MORC1: variants seen among roughly 807,000 people sequenced by gnomAD.
MORC1 encodes the protein MORC family CW-type zinc finger protein 1.
Under a neutral mutation model 134.9 loss-of-function variants are expected in MORC1, and 59 were observed. The observed-to-expected ratio is 0.44, with a 90% CI of 0.35 to 0.54. MORC1 has a LOEUF of 0.54. Ranked by LOEUF, MORC1 falls within the 20% of genes least tolerant of loss-of-function variation. The probability of loss-of-function intolerance (pLI) is 0.00; values close to 1 mark genes in which losing one functional copy is unlikely to be tolerated. For missense variants in MORC1, 947 were observed against 1,134.5 expected, an observed-to-expected ratio of 0.83 and a Z score of 2.37; for synonymous variants, 395 against 391.7, an observed-to-expected ratio of 1.01 and a Z score of -0.10.
chr3:108,978,229 T>A (rs921828769), intron 24 of MORC1, among the ~76,000 whole-genome samples: 4 of 152,156 alleles, frequency 2.6e-5, no homozygotes, highest in Admixed American at 2.0e-4. Flanking sequence ...CTGGCCTGCT[T>A]TTGTCCCATT....
At chr3:109,064,840 C>T (rs1180328496) in intron 9 of MORC1, among the ~76,000 whole-genome samples, 3 of 152,066 alleles carry the variant, frequency 2.0e-5, no homozygotes, top group Admixed American at 6.6e-5. Flanking sequence ...GTTGAATAGA[C>T]CTCCCAAATT....
At chr3:109,028,638 C>T (rs183087899) in intron 16 of MORC1, among the ~76,000 whole-genome samples, 27 of 152,226 alleles carry the variant, frequency 1.8e-4, no homozygotes, top group Admixed American at 1.6e-3. Context: ...ACCCTCAAAG[C>T]ATATGGTTTG....
chr3:109,082,824 A>G (rs771398903), intron 8 of MORC1, among the ~76,000 whole-genome samples: 5 of 152,328 alleles, frequency 3.3e-5, no homozygotes, highest in Non-Finnish European at 7.4e-5. Context: ...ACTGGTGTTC[A>G]AGAGGGAATA....
intron 26 of MORC1, among the ~76,000 whole-genome samples, chr3:108,969,455 G>C (rs1402060963): frequency 6.6e-6 from 1 of 152,106 alleles, no homozygotes. Context: ...TACTCCAAGT[G>C]TTTCATAGCT....
chr3:109,077,068 G>C (rs1950437787), intron 8 of MORC1, among the ~76,000 whole-genome samples: 2 of 151,498 alleles, frequency 1.3e-5, no homozygotes, highest in East Asian at 3.9e-4. Context: ...ATTTCTATCA[G>C]ACTTCTGATC....
chr3:109,063,956 G>C lies in MORC1; in HGVS notation c.816-725C>G, dbSNP rs568624183. On this transcript the variant is annotated intron_variant, in intron 9 of 27. Transcript: ENST00000232603. The stretch of plus-strand genomic sequence containing the variant: ...AATCATCATAGAGAGAAAAATTCTA[G>C]AATAATATTTGGTTTGAGAATCCTC... Among the ~76,000 whole-genome samples the C allele has an allele frequency of 3.3e-5, 5 of 152,138 alleles. No individual in the cohort carries two copies. In the South Asian group the frequency reaches 8.3e-4, roughly 25 times the overall value.
intron 17 of MORC1, among the ~76,000 whole-genome samples, chr3:109,018,711 T>C (rs1295976264): frequency 4.6e-5 from 7 of 152,236 alleles, no homozygotes; most frequent in Non-Finnish European, 1.0e-4. Flanking sequence ...CCTTGTGTTA[T>C]ATATAATACT....
chr3:109,040,223 T>C (rs1166312163), intron 14 of MORC1, among the ~76,000 whole-genome samples: 2 of 151,382 alleles, frequency 1.3e-5, no homozygotes, highest in Non-Finnish European at 2.9e-5. Flanking sequence ...AAGTCATACG[T>C]AGAAACAGGA....
rs752877858 is a variant in MORC1 at position 108,963,412 on chromosome 3, A to G, written c.2799+2T>C. The stretch of plus-strand genomic sequence containing the variant: ...CTGCTCAAATACAACTTTTTCACTC[A>G]CCAGTTGGAGTTTCTGCAACAATAG... On this transcript the variant is annotated splice_donor_variant, in intron 27 of 27. Coordinates refer to ENST00000232603, the MANE Select transcript of MORC1 (RefSeq NM_014429.4). LOFTEE classifies it high-confidence loss of function. 1 of 1,607,880 alleles carries G rather than the reference A, an allele frequency of 6.2e-7. No homozygotes were observed. The highest frequency in any genetic ancestry group is 2.2e-5 in the East Asian group (1 of 44,798).
chr3:109,000,220 C>A (rs937338883), intron 21 of MORC1, among the ~76,000 whole-genome samples: 2 of 152,050 alleles, frequency 1.3e-5, no homozygotes, highest in Non-Finnish European at 2.9e-5. Flanking sequence ...TCATATTCTT[C>A]GGATTTGGGA....
chr3:109,085,015 T>G (rs1950589805), intron 8 of MORC1, among the ~76,000 whole-genome samples: 1 of 152,144 alleles, frequency 6.6e-6, no homozygotes, highest in African/African-American at 2.4e-5. Flanking sequence ...ATTAAAGACT[T>G]AAATGTAAGA....
At chr3:109,053,947 T>C (rs781024201) in intron 14 of MORC1, among the ~76,000 whole-genome samples, 2 of 152,192 alleles carry the variant, frequency 1.3e-5, no homozygotes, top group Non-Finnish European at 2.9e-5. Flanking sequence ...GAAATCTTTC[T>C]GGAATTAACA....
At chr3:109,032,858 G>T in intron 15 of MORC1, 33 bp from the exon 16 acceptor site, 1 of 1,316,988 alleles carries the variant, frequency 7.6e-7, no homozygotes, top group Non-Finnish European at 1.1e-6. Flanking sequence ...ACAGAAAAGA[G>T]ATCAGAAATG....
chr3:108,974,064 A>C (rs905703939), intron 24 of MORC1, among the ~76,000 whole-genome samples: 1 of 151,578 alleles, frequency 6.6e-6, no homozygotes, highest in Non-Finnish European at 1.5e-5. Context: ...AGGCCCAAGC[A>C]AGTTCCCTGG....
At chr3:109,100,654 T>G in intron 4 of MORC1, 147 bp from the exon 5 acceptor site, 2 of 647,036 alleles carry the variant, frequency 3.1e-6, no homozygotes, top group Admixed American at 5.2e-5. Context: ...TTCATCAGAA[T>G]CCACAGTCTC....
intron 14 of MORC1, among the ~76,000 whole-genome samples, chr3:109,047,946 C>T (rs1949733251): frequency 6.6e-6 from 1 of 152,166 alleles, no homozygotes; most frequent in African/African-American, 2.4e-5. Flanking sequence ...AAAAGAGAGA[C>T]AATCAGCCTC....
rs1199147403 is a variant in MORC1 at position 109,110,650 on chromosome 3, T to A, written c.154+99A>T. 4 of 1,031,926 alleles carry A rather than the reference T, an allele frequency of 3.9e-6. No individual in the cohort carries two copies. In the Admixed American group the frequency reaches 1.2e-4, roughly 30 times the overall value. The allele number at this position is 1,031,926 out of a possible 1,614,324, so 63.9% of individuals were successfully genotyped here. ...CAAAGCACTTAGATTACATTAAAAT[T>A]CTATAGAATGTGGTTTTATTTCATG... On this transcript the variant is annotated intron_variant, in intron 3 of 27. Coordinates refer to ENST00000232603, the MANE Select transcript of MORC1 (RefSeq NM_014429.4).
intron 8 of MORC1, among the ~76,000 whole-genome samples, chr3:109,074,486 C>G (rs1950380363): frequency 6.6e-6 from 1 of 152,192 alleles, no homozygotes; most frequent in South Asian, 2.1e-4. Flanking sequence ...AAGGGGTGAT[C>G]TGGCCTTCAC....
chr3:109,066,937 T>C (rs937142792), intron 9 of MORC1, among the ~76,000 whole-genome samples: 1 of 151,192 alleles, frequency 6.6e-6, no homozygotes, highest in Non-Finnish European at 1.5e-5. Flanking sequence ...AAAGATTAAA[T>C]AATTCAGCAT....
Sources: gnomAD v4.1 joint callset for allele counts (sites outside exome capture counted in the v4.1 genomes callset) on GRCh38, gnomAD v4.1.1 for gene constraint, MANE v1.5 for transcripts, NCBI Gene and HGNC (gene_info 2026-07-23, HGNC 2026-07-21) for gene names.